The following LRP1B variants were observed in gnomAD, a reference collection of about 807,000 sequenced individuals.
The protein encoded by LRP1B is LDL receptor related protein 1B.
LRP1B carries 217 observed loss-of-function variants against 556.6 expected under a neutral mutation model. The ratio of observed to expected loss-of-function variants is 0.39; its 90% CI spans 0.35 to 0.44. The LOEUF (loss-of-function observed/expected upper bound fraction) is 0.44, where lower values mean the gene tolerates loss of function less well. Among genes scored for constraint, LRP1B ranks in the 20% least tolerant of loss-of-function variants. The pLI is 1.00. For synonymous variants in LRP1B, 2,047 were observed against 1,865.8 expected, an observed-to-expected ratio of 1.10 and a Z score of -2.50; for missense variants, 5,053 against 5,620.8, an observed-to-expected ratio of 0.90 and a Z score of 3.23.
At chr2:140,917,103 AAT>A (rs1252271582) in intron 21 of LRP1B, among the ~76,000 whole-genome samples, 3 of 152,236 alleles carry the variant, frequency 2.0e-5, no homozygotes, top group Non-Finnish European at 4.4e-5. Flanking sequence ...TACTCAAAAT[AAT>A]ATGTCATTAG....
chr2:140,792,868 A>G (rs1690171938), intron 32 of LRP1B, among the ~76,000 whole-genome samples: 1 of 152,122 alleles, frequency 6.6e-6, no homozygotes, highest in African/African-American at 2.4e-5. Context: ...TAGAAATGCT[A>G]CATCTATCAT....
rs184851483 is a variant in LRP1B, at chr2:141,987,185, G to A, written c.82+143463C>T. Among the ~76,000 whole-genome samples the A allele has an allele frequency of 2.3e-3, 346 of 152,022 alleles. 1 individual carries two copies. The highest frequency in any genetic ancestry group is 0.014 in the Middle Eastern group (4 of 294). On this transcript the variant is annotated intron_variant, in intron 1 of 90. Transcript: ENST00000389484. ...TGACTGTATCTATTATCTTCAAAATGAATTTGGGAGACTGAATTATAGAAT... is the reference window on the plus strand; with the variant it reads ...TGACTGTATCTATTATCTTCAAAATAAATTTGGGAGACTGAATTATAGAAT...
intron 3 of LRP1B, among the ~76,000 whole-genome samples, chr2:141,438,492 G>T (rs1384791351): frequency 6.6e-6 from 1 of 152,106 alleles, no homozygotes; most frequent in Non-Finnish European, 1.5e-5. Context: ...TGTTAGAGTG[G>T]CTTCCATGCC....
intron 43 of LRP1B, among the ~76,000 whole-genome samples, chr2:140,569,879 T>C (rs1168102541): frequency 6.6e-6 from 1 of 151,712 alleles, no homozygotes; most frequent in East Asian, 1.9e-4. Flanking sequence ...AGAAATCAAT[T>C]AAAAGAGAAA....
chr2:141,032,826 C>CATATATATATATATATATAT lies in LRP1B; in HGVS notation c.1790-12725_1790-12724insATATATATATATATATATAT, dbSNP rs71391641. On this transcript the variant is annotated intron_variant, in intron 11 of 90. Transcript: ENST00000389484. Reference sequence around the variant, plus strand: ...ATGTGTGTGTGTATATATATACATACATATATATATATATGCAGGCATATG... The same window carrying CATATATATATATATATATAT: ...ATGTGTGTGTGTATATATATACATACATATATATATATATATATATATATATATATATATGCAGGCATATG... Among the ~76,000 whole-genome samples the CATATATATATATATATATAT allele has an allele frequency of 5.1e-3, 641 of 126,572 alleles. 8 individuals carry two copies. Among genetic ancestry groups the CATATATATATATATATATAT allele is most frequent in the South Asian group, 0.013 (47 of 3,672 alleles). 83.0% of individuals were successfully genotyped at this position (126,572 alleles called of 152,430 possible). A position where few individuals can be genotyped will look rare whatever the true frequency, so the allele number is the denominator to read the frequency against.
At chr2:140,996,454 T>C (rs1044432216) in intron 15 of LRP1B, among the ~76,000 whole-genome samples, 2 of 152,054 alleles carry the variant, frequency 1.3e-5, no homozygotes, top group Non-Finnish European at 2.9e-5. Flanking sequence ...ACAAGGTCTC[T>C]ACAAAGCATT....
At chr2:141,969,234 A>C (rs113503882) in intron 1 of LRP1B, among the ~76,000 whole-genome samples, 1 of 151,208 alleles carries the variant, frequency 6.6e-6, no homozygotes, top group Admixed American at 6.6e-5. Context: ...CATTTCTATC[A>C]CCTCAAATAT....
intron 5 of LRP1B, among the ~76,000 whole-genome samples, chr2:141,231,869 C>T (rs1039444476): frequency 1.3e-5 from 2 of 152,080 alleles, no homozygotes; most frequent in Non-Finnish European, 2.9e-5. Flanking sequence ...CCCAAAAAAG[C>T]CTCAATGAGA....
chr2:140,405,176 T>C (rs559424956), intron 66 of LRP1B, among the ~76,000 whole-genome samples: 1 of 152,254 alleles, frequency 6.6e-6, no homozygotes, highest in African/African-American at 2.4e-5. Context: ...ATGATAATAG[T>C]GACACAACTT....
At chr2:141,926,986 A>T (rs1403388633) in intron 1 of LRP1B, among the ~76,000 whole-genome samples, 1 of 152,132 alleles carries the variant, frequency 6.6e-6, no homozygotes, top group Non-Finnish European at 1.5e-5. Flanking sequence ...TAGAAAGTAG[A>T]CTGCTTTGAT....
At chr2:140,941,946 T>C (rs1350399127) in intron 20 of LRP1B, among the ~76,000 whole-genome samples, 2 of 152,004 alleles carry the variant, frequency 1.3e-5, no homozygotes, top group Non-Finnish European at 2.9e-5. Context: ...ACTAACCAAA[T>C]GACAATGTCT....
At chr2:141,537,819 G>T (rs1053178098) in intron 2 of LRP1B, among the ~76,000 whole-genome samples, 1 of 152,066 alleles carries the variant, frequency 6.6e-6, no homozygotes, top group Non-Finnish European at 1.5e-5. Context: ...TATCTAGAGT[G>T]GGGAGCGGGA....
chr2:141,858,224 A>C (rs1482940903), intron 1 of LRP1B, among the ~76,000 whole-genome samples: 3 of 151,978 alleles, frequency 2.0e-5, no homozygotes, highest in Admixed American at 6.6e-5. Context: ...ATTGCCATTT[A>C]CTCCCATATT....
At chr2:141,845,761 A>T (rs966040041) in intron 1 of LRP1B, among the ~76,000 whole-genome samples, 77 of 152,132 alleles carry the variant, frequency 5.1e-4, no homozygotes, top group African/African-American at 1.8e-3. Flanking sequence ...GCAGAAGCAG[A>T]GCTAACATAG....
chr2:141,432,169 G>A lies in LRP1B; in HGVS notation c.343+48227C>T, dbSNP rs72987181. ...TACTGAGGAATTTTCATAAGGAAAG[G>A]GTATTGAAATTTTTCAAATGCTTTT... is the stretch of plus-strand genomic sequence containing the variant. On this transcript the variant is annotated intron_variant, in intron 3 of 90. Transcript: ENST00000389484. Among the ~76,000 whole-genome samples the A allele has an allele frequency of 9.8e-3, 1,490 of 151,810 alleles. 24 individuals are homozygous for A. The highest frequency in any genetic ancestry group is 0.034 in the African/African-American group (1,401 of 41,440).
chr2:142,122,079 G>A (rs1359022138), intron 1 of LRP1B, among the ~76,000 whole-genome samples: 5 of 152,084 alleles, frequency 3.3e-5, no homozygotes, highest in Non-Finnish European at 7.4e-5. Flanking sequence ...GAACGTTAGG[G>A]TCATAGCTAT....
intron 2 of LRP1B, among the ~76,000 whole-genome samples, chr2:141,488,999 C>G (rs886521515): frequency 2.7e-5 from 4 of 147,502 alleles, no homozygotes; most frequent in Non-Finnish European, 4.4e-5. Flanking sequence ...TTTTTTGAGA[C>G]GGGGTCTTGT....
At chr2:140,855,168 C>T (rs1035632536) in intron 27 of LRP1B, among the ~76,000 whole-genome samples, 4 of 151,970 alleles carry the variant, frequency 2.6e-5, no homozygotes, top group African/African-American at 9.7e-5. Flanking sequence ...CGAGTTCTTA[C>T]CCCAAGGTGC....
At chr2:140,784,421 C>CACAA (rs1491135149) in intron 32 of LRP1B, among the ~76,000 whole-genome samples, 41 of 146,584 alleles carry the variant, frequency 2.8e-4, no homozygotes, top group African/African-American at 1.0e-3. Flanking sequence ...CACACACACA[C>CACAA]AAAAGGCTCA....
Sources: gnomAD v4.1 joint callset for allele counts (sites outside exome capture counted in the v4.1 genomes callset) on GRCh38, gnomAD v4.1.1 for gene constraint, MANE v1.5 for transcripts, NCBI Gene and HGNC (gene_info 2026-07-23, HGNC 2026-07-21) for gene names.